The following SAMSN1 variants were observed in gnomAD, a reference collection of about 807,000 sequenced individuals.
SAMSN1 encodes SAM domain, SH3 domain and nuclear localization signals 1, also known as SAM domain-containing protein SAMSN-1.
Under a neutral mutation model 42.0 loss-of-function variants are expected in SAMSN1, and 31 were observed. The ratio of observed to expected loss-of-function variants is 0.74; its 90% CI spans 0.55 to 1.00. The LOEUF (loss-of-function observed/expected upper bound fraction) is 1.00, where lower values mean the gene tolerates loss of function less well. Ranked by LOEUF, SAMSN1 falls within the 50% of genes least tolerant of loss-of-function variation. SAMSN1 has a pLI of 0.00. For missense variants in SAMSN1, 464 were observed against 439.4 expected (o/e 1.06, Z -0.50); for synonymous variants, 178 against 151.9 (o/e 1.17, Z -1.26).
intron 1 of SAMSN1, among the ~76,000 whole-genome samples, chr21:14,539,567 A>C (rs3890368): frequency 0.54 from 80,788 of 149,886 alleles, 22,171 homozygotes; most frequent in East Asian, 0.78. Context: ...AATAAAATAA[A>C]TAGGAATCCA....
At chr21:14,561,446 G>A (rs749180101) in intron 2 of SAMSN1, among the ~76,000 whole-genome samples, 11 of 152,250 alleles carry the variant, frequency 7.2e-5, no homozygotes, top group Middle Eastern at 3.4e-3. Context: ...TAGTTGGCAG[G>A]AAAACCTGTT....
At chr21:14,546,376 C>T (rs1980395205), upstream of SAMSN1, 4 of 1,477,026 alleles carry the variant, frequency 2.7e-6, no homozygotes, top group African/African-American at 1.4e-5. Context: ...GCCCAGGGAC[C>T]TGCCACTTCC....
At chr21:14,657,795 C>T (rs547696320) in intron 1 of SAMSN1, among the ~76,000 whole-genome samples, 17 of 151,904 alleles carry the variant, frequency 1.1e-4, no homozygotes, top group Admixed American at 1.1e-3. Context: ...GATTCAGCCT[C>T]CCACAACTCA....
intron 5 of SAMSN1, 63 bp from the exon 6 acceptor site, chr21:14,500,798 A>C (rs756047638): frequency 4.7e-6 from 6 of 1,275,626 alleles, no homozygotes; most frequent in Admixed American, 1.8e-5. Context: ...AAAGAATGAA[A>C]TCATAGAAAA....
In SAMSN1 at chr21:14,486,012, T is replaced by C. The variant is rs893169299; in HGVS notation, c.1022A>G (p.Tyr341Cys). 12 of 1,613,620 alleles carry C rather than the reference T, an allele frequency of 7.4e-6. No individual in the cohort carries two copies. The highest frequency in any genetic ancestry group is 1.0e-5 in the Non-Finnish European group (12 of 1,179,602). ...LDDCPRDSGC[Y>C]ISSGNSDNGK... Reference sequence around the variant, plus strand: ...ATTATCTGAATTTCCTGATGAGATATAGCAACCAGAGTCCCTTGGGCAGTC... The same window carrying C: ...ATTATCTGAATTTCCTGATGAGATACAGCAACCAGAGTCCCTTGGGCAGTC... The change falls in exon 8 of 8, where the codon TAT becomes TGT. Residue 341 changes from tyrosine (Y) to cysteine (C), a missense_variant. Transcript: ENST00000400566.
chr21:14,534,443 TAAA>T (rs1979466679), intron 1 of SAMSN1, among the ~76,000 whole-genome samples: 1 of 151,930 alleles, frequency 6.6e-6, no homozygotes, highest in South Asian at 2.1e-4. Flanking sequence ...ACTGTGAGTT[TAAA>T]CAACAACAAC....
intron 1 of SAMSN1, among the ~76,000 whole-genome samples, chr21:14,537,519 T>G (rs764046996): frequency 6.8e-4 from 104 of 152,272 alleles, no homozygotes; most frequent in South Asian, 1.2e-3. Context: ...AATAAGCATT[T>G]AATAGACATT....
At chr21:14,575,886 A>G (rs1981443413) in intron 2 of SAMSN1, among the ~76,000 whole-genome samples, 1 of 152,126 alleles carries the variant, frequency 6.6e-6, no homozygotes, top group Non-Finnish European at 1.5e-5. Flanking sequence ...CTTTCTTTGC[A>G]TATGTCTATT....
At chr21:14,509,935 T>C (rs182349681) in intron 5 of SAMSN1, among the ~76,000 whole-genome samples, 17 of 151,998 alleles carry the variant, frequency 1.1e-4, no homozygotes, top group African/African-American at 3.6e-4. Context: ...GTCAGGAGAT[T>C]GAGACCATCC....
intron 2 of SAMSN1, among the ~76,000 whole-genome samples, chr21:14,581,340 A>ATTTTTTT (rs1404934178): frequency 2.4e-3 from 54 of 22,488 alleles, no homozygotes; most frequent in Admixed American, 4.7e-3. Context: ...GGGAAATAAT[A>ATTTTTTT]TTTCTTTTTT....
intron 5 of SAMSN1, among the ~76,000 whole-genome samples, chr21:14,509,597 C>T (rs1455594438): frequency 2.6e-5 from 4 of 152,194 alleles, no homozygotes; most frequent in Non-Finnish European, 5.9e-5. Flanking sequence ...TTCCCAAGGC[C>T]TTTGCTCTGC....
At chr21:14,530,784 A>G (rs1979217618) in intron 1 of SAMSN1, among the ~76,000 whole-genome samples, 1 of 152,118 alleles carries the variant, frequency 6.6e-6, no homozygotes, top group African/African-American at 2.4e-5. Flanking sequence ...GAAGAGAGGA[A>G]CTGCATTTGC....
intron 1 of SAMSN1, among the ~76,000 whole-genome samples, chr21:14,643,460 C>T (rs1294804543): frequency 6.6e-6 from 1 of 152,152 alleles, no homozygotes; most frequent in African/African-American, 2.4e-5. Flanking sequence ...AAATAAATGC[C>T]TTTTGAGACA....
intron 2 of SAMSN1, among the ~76,000 whole-genome samples, chr21:14,517,739 TA>T (rs1987979900): frequency 1.3e-5 from 2 of 152,156 alleles, no homozygotes; most frequent in South Asian, 4.1e-4. Flanking sequence ...TGACTCAGAA[TA>T]AAACACTCTG....
At chr21:14,504,355 C>T (rs747305177) in intron 5 of SAMSN1, among the ~76,000 whole-genome samples, 15 of 152,044 alleles carry the variant, frequency 9.9e-5, no homozygotes, top group African/African-American at 2.2e-4. Context: ...ATCCAAAAAA[C>T]GATCCAAGAC....
intron 1 of SAMSN1, among the ~76,000 whole-genome samples, chr21:14,651,866 T>A (rs1216803993): frequency 6.6e-6 from 1 of 151,986 alleles, no homozygotes; most frequent in East Asian, 1.9e-4. Flanking sequence ...CAGTAGCATT[T>A]CTATGAGAAC....
At chr21:14,587,769 T>A (rs1174253914), upstream of SAMSN1, among the ~76,000 whole-genome samples, 2 of 149,840 alleles carry the variant, frequency 1.3e-5, no homozygotes, top group African/African-American at 2.5e-5. Context: ...ATTTATTTTT[T>A]AAATTTTTTT....
chr21:14,609,932 TCTTTA>T (rs1445102714), intron 4 of SAMSN1, among the ~76,000 whole-genome samples: 2 of 152,214 alleles, frequency 1.3e-5, no homozygotes, highest in African/African-American at 2.4e-5. Flanking sequence ...CCTATGCCTG[TCTTTA>T]CTTTAATCTC....
chr21:14,496,931 C>G (rs1049889810), intron 7 of SAMSN1, among the ~76,000 whole-genome samples: 20 of 152,284 alleles, frequency 1.3e-4, no homozygotes, highest in Admixed American at 9.2e-4. Context: ...GTATAGGAAA[C>G]GTGTGCTCTA....
Sources: allele counts gnomAD v4.1 joint callset (sites outside exome capture counted in the v4.1 genomes callset), GRCh38; gene constraint gnomAD v4.1.1; transcripts MANE v1.5; gene names NCBI Gene and HGNC (gene_info 2026-07-23, HGNC 2026-07-21).